Variants in COL23A1 observed in about 807,000 individuals in gnomAD.
The protein encoded by COL23A1 is collagen alpha-1(XXIII) chain.
A neutral mutation model predicts 99.3 loss-of-function variants in COL23A1; 97 were observed. The observed-to-expected ratio is 0.98, with a 90% CI of 0.83 to 1.16. The LOEUF is 1.16. Among genes scored for constraint, COL23A1 ranks in the 50% most tolerant of loss-of-function variants. The pLI, the probability that COL23A1 is intolerant of heterozygous loss-of-function variation, is 0.00. For missense variants in COL23A1, 762 were observed against 757.4 expected (o/e 1.01, Z -0.07); for synonymous variants, 320 against 308.2 (o/e 1.04, Z -0.40).
chr5:178,283,890 C>T (rs1223480549), intron 5 of COL23A1, among the ~76,000 whole-genome samples: 5 of 152,226 alleles, frequency 3.3e-5, no homozygotes, highest in Non-Finnish European at 5.9e-5. Context: ...TCCTCTCTAT[C>T]CCAGGGCAAA....
chr5:178,326,877 G>A (rs1392364667), intron 2 of COL23A1, among the ~76,000 whole-genome samples: 6 of 152,118 alleles, frequency 3.9e-5, no homozygotes, highest in South Asian at 2.1e-4. Context: ...CTGCCACCAC[G>A]CCTGGCTAAT....
intron 1 of COL23A1, chr5:178,562,739 G>GGGGGGA (rs1762659840): frequency 7.1e-6 from 1 of 140,644 alleles, no homozygotes; most frequent in African/African-American, 3.0e-5. Flanking sequence ...CTGGTGGTGG[G>GGGGGGA]GGGGGTGCGG....
chr5:178,359,864 C>A (rs1762083070), intron 2 of COL23A1, among the ~76,000 whole-genome samples: 1 of 152,202 alleles, frequency 6.6e-6, no homozygotes, highest in Non-Finnish European at 1.5e-5. Flanking sequence ...AGAAACTAAG[C>A]ATCTTCCTCA....
intron 2 of COL23A1, among the ~76,000 whole-genome samples, chr5:178,315,191 G>C (rs1392158159): frequency 6.6e-6 from 1 of 152,096 alleles, no homozygotes. Flanking sequence ...TAAGGAGTCC[G>C]GACCCATGAC....
intron 2 of COL23A1, among the ~76,000 whole-genome samples, chr5:178,357,546 C>T (rs1364368353): frequency 6.6e-6 from 1 of 152,252 alleles, no homozygotes; most frequent in Non-Finnish European, 1.5e-5. Context: ...TTGGAATCTG[C>T]TCTGAATGAT....
intron 8 of COL23A1, among the ~76,000 whole-genome samples, chr5:178,264,535 G>A (rs1473088738): frequency 2.0e-5 from 3 of 152,258 alleles, no homozygotes; most frequent in Non-Finnish European, 4.4e-5. Flanking sequence ...CCCTACACTC[G>A]CACAGGGCAG....
intron 1 of COL23A1, among the ~76,000 whole-genome samples, chr5:178,585,435 A>ACTCCACGTCCCTGGATGGCG: frequency 1.6e-5 from 1 of 62,500 alleles, no homozygotes; most frequent in South Asian, 4.0e-4. Flanking sequence ...CCTGGTTGAC[A>ACTCCACGTCCCTGGATGGCG]CTGGGGTAAC....
intron 2 of COL23A1, among the ~76,000 whole-genome samples, chr5:178,430,504 G>C (rs1766201156): frequency 6.6e-6 from 1 of 152,148 alleles, no homozygotes; most frequent in African/African-American, 2.4e-5. Flanking sequence ...TCTCTTCCTA[G>C]GGGCTGCCAA....
In COL23A1 at chr5:178,434,553, C is replaced by G. The variant is rs936856396; in HGVS notation, c.361+126129G>C. Among the ~76,000 whole-genome samples, 5 of 152,118 alleles carry G rather than the reference C, an allele frequency of 3.3e-5. No individual in the cohort carries two copies. The highest frequency in any genetic ancestry group is 7.4e-5 in the Non-Finnish European group (5 of 68,016). On this transcript the variant is annotated intron_variant, in intron 2 of 28. Transcript: ENST00000390654. This position sits in a 1 kb window ranked among gnomAD's most constrained non-coding sequence, Gnocchi z 4.3. ...GGGGCAGCTGAGCCCCAGCCTGGGG[C>G]CTTCCCTGGGGCCTTCCACTGGCGC...
intron 2 of COL23A1, among the ~76,000 whole-genome samples, chr5:178,495,403 G>A (rs1218310049): frequency 6.6e-6 from 1 of 152,210 alleles, no homozygotes. Context: ...CCAGACCTGA[G>A]GCCAATCGTG....
chr5:178,344,852 C>T (rs913445262), intron 2 of COL23A1: 14 of 747,302 alleles, frequency 1.9e-5, no homozygotes, highest in East Asian at 8.1e-5. Flanking sequence ...GATGGCGGGG[C>T]GATCTGTGTC....
At chr5:178,490,381 G>A (rs556888410) in intron 2 of COL23A1, among the ~76,000 whole-genome samples, 2 of 152,260 alleles carry the variant, frequency 1.3e-5, no homozygotes, top group African/African-American at 4.8e-5. Context: ...ACTGAGAAGA[G>A]GTATCTAGAA....
Position 178,468,603 on chromosome 5 carries a change from TC to T in COL23A1, c.361+92078del, listed in dbSNP as rs35115951. 0.19 allele frequency among the ~76,000 whole-genome samples: 28,871 copies of T among 151,676 alleles called. 6,592 individuals are homozygous for T. The highest frequency in any genetic ancestry group is 0.52 in the African/African-American group (21,308 of 41,296). ...AGGCCACACGCAGAGCAGCTTCCCCTCCCCTCGAGTCCCCCCAGGCAGCCTG... is the reference window on the plus strand; with the variant it reads ...AGGCCACACGCAGAGCAGCTTCCCCTCCCTCGAGTCCCCCCAGGCAGCCTG... On this transcript the variant is annotated intron_variant, in intron 2 of 28. Transcript: ENST00000390654. This position sits in a 1 kb window ranked among gnomAD's most constrained non-coding sequence, Gnocchi z 4.2.
intron 2 of COL23A1, among the ~76,000 whole-genome samples, chr5:178,341,071 G>A (rs1471866713): frequency 6.6e-6 from 1 of 152,216 alleles, no homozygotes; most frequent in Admixed American, 6.5e-5. Flanking sequence ...TCCTGATGGT[G>A]GAGCAGGGCC....
chr5:178,386,710 C>T (rs1192237677), intron 2 of COL23A1, among the ~76,000 whole-genome samples: 1 of 152,122 alleles, frequency 6.6e-6, no homozygotes, highest in Non-Finnish European at 1.5e-5. Flanking sequence ...GGGTCCCCGC[C>T]GCCTACCCCT....
At chr5:178,275,658 G>C (rs898432651) in intron 5 of COL23A1, among the ~76,000 whole-genome samples, 1 of 152,118 alleles carries the variant, frequency 6.6e-6, no homozygotes, top group African/African-American at 2.4e-5. Flanking sequence ...ACAGGGTCAT[G>C]GTTCCCCTTA....
intron 2 of COL23A1, among the ~76,000 whole-genome samples, chr5:178,522,126 T>C (rs1421202315): frequency 6.6e-6 from 1 of 152,184 alleles, no homozygotes; most frequent in Non-Finnish European, 1.5e-5. Context: ...CTTTGTGCCA[T>C]ATAAACATTA....
chr5:178,240,368 G>T (rs1349809159), intron 27 of COL23A1, among the ~76,000 whole-genome samples: 3 of 152,146 alleles, frequency 2.0e-5, no homozygotes, highest in East Asian at 3.9e-4. Flanking sequence ...GGAAGCAGAA[G>T]CGAGGAAGGC....
chr5:178,548,760 C>T (rs1430893769), intron 2 of COL23A1, among the ~76,000 whole-genome samples: 2 of 151,964 alleles, frequency 1.3e-5, no homozygotes, highest in Admixed American at 1.3e-4. Flanking sequence ...ATTGTTTTTT[C>T]ATTTTGTCAC....
Sources: allele counts gnomAD v4.1 joint callset (sites outside exome capture counted in the v4.1 genomes callset), GRCh38; gene constraint gnomAD v4.1.1; non-coding constraint Gnocchi (gnomAD v3.1); transcripts MANE v1.5; gene names NCBI Gene and HGNC (gene_info 2026-07-23, HGNC 2026-07-21).